KCNK5: variants seen among roughly 807,000 people sequenced by gnomAD.
KCNK5 encodes the protein potassium two pore domain channel subfamily K member 5, also known as potassium channel subfamily K member 5.
In KCNK5, 18 loss-of-function variants were observed where a neutral mutation model predicts 32.9. The observed-to-expected ratio is 0.55, with a 90% CI of 0.38 to 0.81. The LOEUF (loss-of-function observed/expected upper bound fraction) is 0.81. Ranked by LOEUF, KCNK5 falls within the 30% of genes least tolerant of loss-of-function variation. The probability of loss-of-function intolerance (pLI) is 0.00; values close to 1 mark genes in which losing one functional copy is unlikely to be tolerated. For missense variants in KCNK5, 507 were observed against 651.0 expected (o/e 0.78, Z 2.41); for synonymous variants, 276 against 275.3 (o/e 1.00, Z -0.03).
In KCNK5 at chr6:39,190,819, G is replaced by A. The variant is rs1440016676; in HGVS notation, c.*71C>T. The A allele has an allele frequency of 9.5e-6, 13 of 1,371,478 alleles. No individual in the cohort carries two copies. Among genetic ancestry groups the A allele is most frequent in the Admixed American group, 3.2e-5 (1 of 31,134 alleles). The allele number at this position is 1,371,478 out of a possible 1,614,324, so 85.0% of individuals were successfully genotyped here. A position where few individuals can be genotyped will look rare whatever the true frequency, so the allele number is the denominator to read the frequency against. ...CCCCCCACCAGGGGCCAGGCGTCCC[G>A]GTCATCTCGGGACACCCTAGGGTGA... On this transcript the variant is annotated 3_prime_UTR_variant, in exon 5 of 5. Transcript: ENST00000359534.
chr6:39,194,309 AT>A lies in KCNK5; in HGVS notation c.493del (p.Ile165SerfsTer8). ...GACTAGGACGCCCCACACGATGAAG[AT>A]GACTGTGCACGTGATCTGCGCCTTC... ...LRKAQITCTVIFIVWGVLVHL... is the reference protein window; with the variant it reads ...LRKAQITCTVXFIVWGVLVHL... On this transcript the variant is annotated frameshift_variant, in exon 4 of 5. Transcript: ENST00000359534. LOFTEE classifies it high-confidence loss of function. The surrounding 1 kb of genome is among the most constrained non-coding windows in gnomAD (Gnocchi z 4.7). 4 of 1,612,916 alleles carry A rather than the reference AT, an allele frequency of 2.5e-6. No homozygotes were observed. Among genetic ancestry groups the A allele is most frequent in the Non-Finnish European group, 3.4e-6 (4 of 1,179,242 alleles).
At chr6:39,218,553 G>A (rs4714223) in intron 1 of KCNK5, among the ~76,000 whole-genome samples, 32,258 of 151,960 alleles carry the variant, frequency 0.21, 3,589 homozygotes, top group Admixed American at 0.26. Context: ...CCATTTGGCT[G>A]CCAGACCTCC....
chr6:39,192,631 T>G (rs750708157), intron 4 of KCNK5, among the ~76,000 whole-genome samples: 12 of 152,210 alleles, frequency 7.9e-5, no homozygotes, highest in Non-Finnish European at 1.2e-4. Context: ...ATTGAAGGTC[T>G]GGTCTGCCTC....
At chr6:39,207,646 G>A (rs1175215358) in intron 1 of KCNK5, among the ~76,000 whole-genome samples, 16 of 152,084 alleles carry the variant, frequency 1.1e-4, no homozygotes, top group Admixed American at 6.5e-4. Flanking sequence ...GGTGGGTGGC[G>A]GGGGTGGGGG....
chr6:39,222,633 C>T (rs1454033006), intron 1 of KCNK5, among the ~76,000 whole-genome samples: 3 of 152,186 alleles, frequency 2.0e-5, no homozygotes, highest in Non-Finnish European at 2.9e-5. Context: ...GGGCTATGGG[C>T]AAGAGACAGC....
intron 1 of KCNK5, among the ~76,000 whole-genome samples, chr6:39,211,604 C>T (rs779699269): frequency 2.6e-5 from 4 of 152,214 alleles, no homozygotes; most frequent in East Asian, 1.9e-4. Flanking sequence ...CCACTGGCTA[C>T]GGAGCACTAG....
chr6:39,194,585 G>A lies in KCNK5; in HGVS notation c.465+9C>T. 4 of 1,613,932 alleles carry A rather than the reference G, an allele frequency of 2.5e-6. No individual in the cohort carries two copies. The highest frequency in any genetic ancestry group is 3.4e-6 in the Non-Finnish European group (4 of 1,179,928). On this transcript the variant is annotated intron_variant, in intron 3 of 4. Coordinates refer to ENST00000359534, the MANE Select transcript of KCNK5 (RefSeq NM_003740.4). This position sits in a 1 kb window ranked among gnomAD's most constrained non-coding sequence, Gnocchi z 4.7. The stretch of plus-strand genomic sequence containing the variant: ...CATCTCTGCCCAACACCCAGGGTAG[G>A]GGACATACCAGACTCACACCTCTCT...
rs776547447 is a variant in KCNK5, at chr6:39,194,710, A to G, written c.349T>C (p.Phe117Leu). 1 of 1,614,162 alleles carries G rather than the reference A, an allele frequency of 6.2e-7. No individual in the cohort carries two copies. Among genetic ancestry groups the G allele is most frequent in the Non-Finnish European group, 8.5e-7 (1 of 1,180,040 alleles). Residue 117 changes from phenylalanine to leucine, a missense_variant, in exon 3 of 5, where the codon TTC becomes CTC. Around this residue, in one of 6 missense-constraint regions of KCNK5, gnomAD observed 143 missense variants for 219.1 expected, o/e 0.65. Coordinates refer to ENST00000359534, the MANE Select transcript of KCNK5 (RefSeq NM_003740.4). This position sits in a 1 kb window ranked among gnomAD's most constrained non-coding sequence, Gnocchi z 4.7. ...AGCGGCACCCCGAAGAGACCATAGA[A>G]AACACAGAAGAGGCGACCGGCGGGG... ...KTPAGRLFCVFYGLFGVPLCL... is the reference protein window; with the variant it reads ...KTPAGRLFCVLYGLFGVPLCL...
rs1041441150 is a variant in KCNK5 at position 39,193,915 on chromosome 6, A to G, written c.634+254T>C. 3.9e-5 allele frequency among the ~76,000 whole-genome samples: 6 copies of G among 152,140 alleles called. No individual in the cohort carries two copies. In the East Asian group the frequency reaches 1.2e-3, roughly 29 times the overall value. The stretch of plus-strand genomic sequence containing the variant: ...TCATGGGAGAACTGAGGGAGAGGAG[A>G]TCAGAGACTGAGCAGAGAGGAAAGG... On this transcript the variant is annotated intron_variant, in intron 4 of 4. Transcript: ENST00000359534.
chr6:39,224,314 AG>A (rs1246583301), intron 1 of KCNK5, among the ~76,000 whole-genome samples: 1 of 152,214 alleles, frequency 6.6e-6, no homozygotes, highest in Non-Finnish European at 1.5e-5. Flanking sequence ...AAGGCGGTTA[AG>A]TGGACCAGTG....
At chr6:39,216,580 C>T (rs932700147) in intron 1 of KCNK5, among the ~76,000 whole-genome samples, 4 of 152,144 alleles carry the variant, frequency 2.6e-5, no homozygotes, top group African/African-American at 4.8e-5. Flanking sequence ...ACTCAGAGGG[C>T]CTGGGTTCAG....
Position 39,190,767 on chromosome 6 carries a change from GCCCCCCACTCCCAGTTCCGAGGCTGC to G in KCNK5, c.*97_*122del. 9.3e-6 allele frequency: 9 copies of G among 963,394 alleles called. No individual in the cohort carries two copies. Among genetic ancestry groups the G allele is most frequent in the Non-Finnish European group, 1.3e-5 (9 of 690,022 alleles). The allele number at this position is 963,394 out of a possible 1,614,324, so 59.7% of individuals were successfully genotyped here. On this transcript the variant is annotated 3_prime_UTR_variant, in exon 5 of 5. Coordinates refer to ENST00000359534, the MANE Select transcript of KCNK5 (RefSeq NM_003740.4). ...TGATGGAAGGTTAGGAAGGCCCCTGGCCCCCCACTCCCAGTTCCGAGGCTGCCCCCCCACCAGGGGCCAGGCGTCCC... is the reference window on the plus strand; with the variant it reads ...TGATGGAAGGTTAGGAAGGCCCCTGGCCCCCCACCAGGGGCCAGGCGTCCC...
intron 1 of KCNK5, among the ~76,000 whole-genome samples, chr6:39,213,638 G>A (rs913460968): frequency 6.6e-6 from 1 of 152,206 alleles, no homozygotes; most frequent in African/African-American, 2.4e-5. Flanking sequence ...GTGTAAGAAT[G>A]TGTATACACG....
At chr6:39,199,445 C>T (rs1230847163) in intron 1 of KCNK5, among the ~76,000 whole-genome samples, 1 of 152,204 alleles carries the variant, frequency 6.6e-6, no homozygotes, top group Non-Finnish European at 1.5e-5. Flanking sequence ...TGTGCTTTCC[C>T]CATGACTTCT....
chr6:39,203,104 G>A (rs1296798899), intron 1 of KCNK5, among the ~76,000 whole-genome samples: 11 of 152,166 alleles, frequency 7.2e-5, no homozygotes, highest in Non-Finnish European at 1.6e-4. Flanking sequence ...TGAAGCAGAT[G>A]GGCTGGCATG....
chr6:39,203,189 G>C (rs1365945866), intron 1 of KCNK5, among the ~76,000 whole-genome samples: 2 of 152,310 alleles, frequency 1.3e-5, no homozygotes, highest in East Asian at 3.9e-4. Context: ...TGAGAACACT[G>C]TCCCTAACCT....
intron 1 of KCNK5, among the ~76,000 whole-genome samples, chr6:39,228,719 G>C (rs746696794): frequency 6.6e-6 from 1 of 152,174 alleles, no homozygotes; most frequent in African/African-American, 2.4e-5. Flanking sequence ...GTTCCAAAGA[G>C]TCTCCGCGCC....
At position 39,192,279 on chromosome 6, in the gene KCNK5, G is replaced by A. The variant is rs568030900; in HGVS notation, c.635-524C>T. On this transcript the variant is annotated intron_variant, in intron 4 of 4. Transcript: ENST00000359534. Reference sequence around the variant, plus strand: ...AGCCTGGGCAGCAGACAGAGACTCCGTCTCAAAAAAAAAAAAAAAAAAAAA... The same window carrying A: ...AGCCTGGGCAGCAGACAGAGACTCCATCTCAAAAAAAAAAAAAAAAAAAAA... 4.8e-3 allele frequency among the ~76,000 whole-genome samples: 218 copies of A among 45,806 alleles called. 1 individual carries two copies. The highest frequency in any genetic ancestry group is 0.017 in the Middle Eastern group (1 of 58). The allele number at this position is 45,806 out of a possible 152,430, so 30.1% of individuals were successfully genotyped here.
Position 39,191,126 on chromosome 6 carries a change from A to AGGTGATGCTGGC in KCNK5, c.1252_1263dup (p.Ala418_Thr421dup). 4 of 1,614,214 alleles carry AGGTGATGCTGGC rather than the reference A, an allele frequency of 2.5e-6. No homozygotes were observed. The highest frequency in any genetic ancestry group is 3.4e-6 in the Non-Finnish European group (4 of 1,180,034). On this transcript the variant is annotated inframe_insertion, in exon 5 of 5. Transcript: ENST00000359534. The surrounding 1 kb of genome is among the most constrained non-coding windows in gnomAD (Gnocchi z 5.8). ...GAGAGGCCAGCCTCCGTGTTCACGA[A>AGGTGATGCTGGC]GGTGATGCTGGCGTCCTGGAAGATG... is the stretch of plus-strand genomic sequence containing the variant.
Sources: allele counts gnomAD v4.1 joint callset (sites outside exome capture counted in the v4.1 genomes callset), GRCh38; gene constraint gnomAD v4.1.1; regional missense constraint gnomAD v4.1.1; non-coding constraint Gnocchi (gnomAD v3.1); transcripts MANE v1.5; gene names NCBI Gene and HGNC (gene_info 2026-07-23, HGNC 2026-07-21).